CORO2B: variants seen among roughly 807,000 people sequenced by gnomAD.
The protein encoded by CORO2B is coronin-2B.
In CORO2B, 26 loss-of-function variants were observed where a neutral mutation model predicts 58.8. The observed-to-expected ratio is 0.44, with a 90% confidence interval of 0.32 to 0.61. The LOEUF (loss-of-function observed/expected upper bound fraction) is 0.61, where lower values mean the gene tolerates loss of function less well. Ranked by LOEUF, CORO2B falls within the 20% of genes least tolerant of loss-of-function variation. The probability of loss-of-function intolerance (pLI) is 0.04; values close to 1 mark genes in which losing one functional copy is unlikely to be tolerated. For missense variants in CORO2B, 460 were observed against 645.1 expected (o/e 0.71, Z 3.11); for synonymous variants, 242 against 253.8 (o/e 0.95, Z 0.44).
At chr15:68,652,281 G>A (rs1442996697) in intron 2 of CORO2B, among the ~76,000 whole-genome samples, 1 of 152,230 alleles carries the variant, frequency 6.6e-6, no homozygotes. Context: ...GCTCTCTGGA[G>A]TGGAATGTTA....
At chr15:68,637,863 G>A (rs958019645) in intron 1 of CORO2B, among the ~76,000 whole-genome samples, 3 of 152,230 alleles carry the variant, frequency 2.0e-5, no homozygotes, top group African/African-American at 4.8e-5. Context: ...TTACATTTTC[G>A]TGTTCCACTT....
chr15:68,606,283 T>G (rs1226772035), intron 1 of CORO2B, among the ~76,000 whole-genome samples: 1 of 151,296 alleles, frequency 6.6e-6, no homozygotes, highest in Non-Finnish European at 1.5e-5. Flanking sequence ...GCAAAGGGAG[T>G]TAGGGTGGTG....
chr15:68,607,620 C>A (rs973761738), intron 1 of CORO2B, among the ~76,000 whole-genome samples: 4 of 151,982 alleles, frequency 2.6e-5, no homozygotes, highest in Non-Finnish European at 5.9e-5. Context: ...GAGTTTGAGA[C>A]CAGCCTGGGT....
At chr15:68,714,122 G>A in intron 6 of CORO2B, 81 bp downstream of exon 6, 2 of 870,482 alleles carry the variant, frequency 2.3e-6, no homozygotes, top group Admixed American at 2.1e-5. Flanking sequence ...AAAGTCAGGA[G>A]CCTGGGCCCG....
chr15:68,716,031 G>A lies in CORO2B; in HGVS notation c.967+720G>A, dbSNP rs191897520. Among the ~76,000 whole-genome samples, 19 of 152,310 alleles carry A rather than the reference G, an allele frequency of 1.2e-4. No homozygotes were observed. The East Asian group carries it at 3.5e-3, about 28-fold the overall frequency. On this transcript the variant is annotated intron_variant, in intron 8 of 11. Transcript: ENST00000261861. ...TCTAGCTTGCTTTCCCTGTGGGTCT[G>A]GTATTATGGACAGGGCCTGAGGGCC...
intron 11 of CORO2B, among the ~76,000 whole-genome samples, chr15:68,722,646 A>G (rs1348581256): frequency 6.6e-6 from 1 of 152,258 alleles, no homozygotes; most frequent in Non-Finnish European, 1.5e-5. Context: ...AAGACGCAAG[A>G]GTGTGTAGAG....
At chr15:68,613,143 G>C (rs1363696375) in intron 1 of CORO2B, among the ~76,000 whole-genome samples, 1 of 152,162 alleles carries the variant, frequency 6.6e-6, no homozygotes, top group African/African-American at 2.4e-5. Context: ...CTTACATCCA[G>C]CTTACACCCA....
intron 1 of CORO2B, among the ~76,000 whole-genome samples, chr15:68,580,432 G>A (rs1899400982): frequency 6.6e-6 from 1 of 152,128 alleles, no homozygotes; most frequent in Admixed American, 6.5e-5. Flanking sequence ...TGATGGAGGT[G>A]GGGTGGTTTT....
chr15:68,598,311 C>G (rs1206534183), intron 1 of CORO2B, among the ~76,000 whole-genome samples: 14 of 152,214 alleles, frequency 9.2e-5, no homozygotes, highest in Admixed American at 7.8e-4. Flanking sequence ...CATTGCTAAA[C>G]CCTCCTAGAA....
At chr15:68,605,055 G>A (rs1900073200) in intron 1 of CORO2B, among the ~76,000 whole-genome samples, 1 of 151,968 alleles carries the variant, frequency 6.6e-6, no homozygotes, top group Non-Finnish European at 1.5e-5. Context: ...CAGAGGTTGT[G>A]GTGAGCTGAG....
intron 1 of CORO2B, among the ~76,000 whole-genome samples, chr15:68,604,300 T>G (rs958262038): frequency 2.0e-5 from 3 of 152,148 alleles, no homozygotes; most frequent in African/African-American, 7.2e-5. Context: ...ATCAGGAAAT[T>G]GGTTCCATTC....
intron 1 of CORO2B, chr15:68,616,596 C>A: frequency 1.0e-6 from 1 of 985,424 alleles, no homozygotes; most frequent in South Asian, 4.7e-5. Flanking sequence ...AGGCCGCGGT[C>A]GAATGATTCT....
chr15:68,645,413 C>T lies in CORO2B; in HGVS notation c.216+53C>T. ...TGCAGCTCCAGGGCAGAGAGGAGCC[C>T]TCCTTGGTCTCTCTTAGGCCTGTTG... On this transcript the variant is annotated intron_variant, in intron 2 of 11. Transcript: ENST00000261861. The surrounding 1 kb of genome is among the most constrained non-coding windows in gnomAD (Gnocchi z 4.5). The T allele has an allele frequency of 6.4e-7, 1 of 1,558,734 alleles. No individual in the cohort carries two copies. Among genetic ancestry groups the T allele is most frequent in the Non-Finnish European group, 8.7e-7 (1 of 1,143,590 alleles).
At chr15:68,646,569 GCA>G (rs1901436028) in intron 2 of CORO2B, among the ~76,000 whole-genome samples, 1 of 152,210 alleles carries the variant, frequency 6.6e-6, no homozygotes, top group Admixed American at 6.5e-5. Flanking sequence ...AGAGCCTGAT[GCA>G]CAGAGAGGTC....
At chr15:68,644,262 T>A (rs1167636716) in intron 1 of CORO2B, among the ~76,000 whole-genome samples, 1 of 152,212 alleles carries the variant, frequency 6.6e-6, no homozygotes, top group Non-Finnish European at 1.5e-5. Flanking sequence ...ATGTGCTTTG[T>A]CATCACATGA....
the CORO2B span, among the ~76,000 whole-genome samples, chr15:68,549,313 T>C: frequency 6.6e-6 from 1 of 152,222 alleles, no homozygotes; most frequent in East Asian, 1.9e-4. Flanking sequence ...ACTTTTCAAT[T>C]TTGTCAGTCC....
At chr15:68,616,759 G>A in intron 1 of CORO2B, 1 of 315,786 alleles carries the variant, frequency 3.2e-6, no homozygotes, top group Non-Finnish European at 4.6e-6. Flanking sequence ...GTCTCATGGG[G>A]GAGACAGACA....
At chr15:68,610,429 T>G (rs886413809) in intron 1 of CORO2B, among the ~76,000 whole-genome samples, 4 of 152,100 alleles carry the variant, frequency 2.6e-5, no homozygotes, top group Non-Finnish European at 5.9e-5. Flanking sequence ...CCTTGCTGCC[T>G]GGCCCCAGGC....
chr15:68,597,375 C>T (rs1030392344), intron 1 of CORO2B, among the ~76,000 whole-genome samples: 61 of 152,260 alleles, frequency 4.0e-4, no homozygotes, highest in African/African-American at 1.2e-3. Context: ...TTGTTTTACA[C>T]GCACCTCATA....
Sources: allele counts gnomAD v4.1 joint callset (sites outside exome capture counted in the v4.1 genomes callset), GRCh38; gene constraint gnomAD v4.1.1; non-coding constraint Gnocchi (gnomAD v3.1); transcripts MANE v1.5; gene names NCBI Gene and HGNC (gene_info 2026-07-23, HGNC 2026-07-21).